STK24: variants seen among roughly 807,000 people sequenced by gnomAD.
STK24 encodes serine/threonine-protein kinase 24.
In STK24, 21 loss-of-function variants were observed where a neutral mutation model predicts 55.6. That is an observed-to-expected ratio of 0.38 (90% CI 0.27 to 0.54). STK24 has a LOEUF of 0.54. Ranked by LOEUF, STK24 falls within the 20% of genes least tolerant of loss-of-function variation. The pLI, the probability that STK24 is intolerant of heterozygous loss-of-function variation, is 0.79. For missense variants in STK24, 383 were observed against 538.4 expected (o/e 0.71, Z 2.86); for synonymous variants, 200 against 215.2 (o/e 0.93, Z 0.62).
chr13:98,446,555 G>A lies in STK24; in HGVS notation c.*6618C>T, dbSNP rs1422042271. ...CATGGTCCCTTCCAGGCCCACGCCC[G>A]AGGAGGGAGCTGCCTGGGCTCCCAA... On this transcript the variant is annotated 3_prime_UTR_variant, in exon 11 of 11. Coordinates refer to ENST00000539966, the MANE Select transcript of STK24 (RefSeq NM_001032296.4). The A allele has an allele frequency of 1.5e-5, 17 of 1,156,350 alleles. No homozygotes were observed. The highest frequency in any genetic ancestry group is 4.5e-5 in the African/African-American group (3 of 66,500). The allele number at this position is 1,156,350 out of a possible 1,614,324, so 71.6% of individuals were successfully genotyped here. A position where few individuals can be genotyped will look rare whatever the true frequency, so the allele number is the denominator to read the frequency against.
chr13:98,483,553 C>T (rs752383737), intron 2 of STK24, among the ~76,000 whole-genome samples: 18 of 152,138 alleles, frequency 1.2e-4, no homozygotes, highest in Admixed American at 2.0e-4. Flanking sequence ...GAGAACACGC[C>T]CCAACTTCCC....
At chr13:98,473,619 C>A (rs1488194708) in intron 5 of STK24, among the ~76,000 whole-genome samples, 1 of 152,150 alleles carries the variant, frequency 6.6e-6, no homozygotes, top group African/African-American at 2.4e-5. Flanking sequence ...CAGGCAAGGG[C>A]ACACACCCAA....
chr13:98,507,501 A>G (rs1895733282), intron 2 of STK24, among the ~76,000 whole-genome samples: 1 of 152,232 alleles, frequency 6.6e-6, no homozygotes, highest in African/African-American at 2.4e-5. Context: ...TCTAGCCTAG[A>G]GAAAGAAAGA....
chr13:98,526,951 C>G (rs1365084695), intron 1 of STK24, among the ~76,000 whole-genome samples: 1 of 152,178 alleles, frequency 6.6e-6, no homozygotes, highest in Non-Finnish European at 1.5e-5. Context: ...TGATACCGAC[C>G]CCATGTGAGG....
At chr13:98,557,409 C>T (rs564478634) in intron 1 of STK24, among the ~76,000 whole-genome samples, 3 of 152,306 alleles carry the variant, frequency 2.0e-5, no homozygotes, top group Admixed American at 1.3e-4. Context: ...TGCGTGGGTG[C>T]GTTCATTCGC....
intron 1 of STK24, among the ~76,000 whole-genome samples, chr13:98,540,050 A>G (rs1223469204): frequency 6.6e-6 from 1 of 152,200 alleles, no homozygotes. Context: ...AGGAATGAAC[A>G]ACAGACACAA....
intron 1 of STK24, among the ~76,000 whole-genome samples, chr13:98,520,375 AG>A (rs34667229): frequency 6.6e-6 from 1 of 152,206 alleles, no homozygotes; most frequent in Non-Finnish European, 1.5e-5. Context: ...CCACAGAGCA[AG>A]GAAGGACTCT....
At chr13:98,520,968 T>G (rs1896240277) in intron 1 of STK24, among the ~76,000 whole-genome samples, 1 of 152,162 alleles carries the variant, frequency 6.6e-6, no homozygotes, top group Admixed American at 6.5e-5. Flanking sequence ...TAGTACAAAA[T>G]GAACCAAGGC....
intron 9 of STK24, among the ~76,000 whole-genome samples, chr13:98,459,211 A>G (rs1039191313): frequency 1.3e-5 from 2 of 152,238 alleles, no homozygotes; most frequent in African/African-American, 4.8e-5. Context: ...AATGAAGCGC[A>G]GGATGGCGCT....
At chr13:98,554,052 G>A (rs1448908062) in intron 1 of STK24, among the ~76,000 whole-genome samples, 1 of 146,380 alleles carries the variant, frequency 6.8e-6, no homozygotes, top group Non-Finnish European at 1.5e-5. Flanking sequence ...ATGGGCGATG[G>A]AGCAAGACTC....
chr13:98,576,138 C>T, intron 1 of STK24: 1 of 985,278 alleles, frequency 1.0e-6, no homozygotes, highest in Non-Finnish European at 1.2e-6. Flanking sequence ...GCAACTCGCA[C>T]TTTCCCCCGG....
At chr13:98,575,223 C>A (rs1402221896) in intron 1 of STK24, among the ~76,000 whole-genome samples, 2 of 152,118 alleles carry the variant, frequency 1.3e-5, no homozygotes, top group Non-Finnish European at 2.9e-5. Context: ...ACCCAGCAGT[C>A]AGCAGAAGTT....
chr13:98,484,531 G>A (rs1327242779), intron 2 of STK24, among the ~76,000 whole-genome samples: 1 of 152,100 alleles, frequency 6.6e-6, no homozygotes. Flanking sequence ...GGGGACTGAG[G>A]GTCACCAGGC....
rs540523467 is a variant in STK24, at chr13:98,446,316, C to G, written c.*6857G>C. The G allele has an allele frequency of 1.4e-6, 1 of 703,386 alleles. No homozygotes were observed. The highest frequency in any genetic ancestry group is 2.5e-6 in the Non-Finnish European group (1 of 405,938). The allele number at this position is 703,386 out of a possible 1,614,324, so 43.6% of individuals were successfully genotyped here. A position where few individuals can be genotyped will look rare whatever the true frequency, so the allele number is the denominator to read the frequency against. On this transcript the variant is annotated 3_prime_UTR_variant, in exon 11 of 11. Coordinates refer to ENST00000539966, the MANE Select transcript of STK24 (RefSeq NM_001032296.4). ...CAGGCCTCTTGGGCTCCAGGTGTCACGGGGATGACAGGGATGCTGGCGGGG... is the reference window on the plus strand; with the variant it reads ...CAGGCCTCTTGGGCTCCAGGTGTCAGGGGGATGACAGGGATGCTGGCGGGG...
chr13:98,529,128 G>A (rs776438445), intron 1 of STK24, among the ~76,000 whole-genome samples: 2 of 152,090 alleles, frequency 1.3e-5, no homozygotes, highest in African/African-American at 2.4e-5. Context: ...CCATGCTGGT[G>A]GCTACCATTC....
chr13:98,527,959 C>T (rs1434126382), intron 1 of STK24, among the ~76,000 whole-genome samples: 3 of 152,228 alleles, frequency 2.0e-5, no homozygotes, highest in African/African-American at 7.2e-5. Flanking sequence ...GGGCCTGACT[C>T]AACGGCAGAA....
At chr13:98,457,468 T>C (rs1283252687) in intron 9 of STK24, among the ~76,000 whole-genome samples, 164 bp from the exon 10 acceptor site, 3 of 83,082 alleles carry the variant, frequency 3.6e-5, no homozygotes, top group Non-Finnish European at 9.0e-5. Flanking sequence ...CAAATTGCTT[T>C]TTTTTTTTTT....
chr13:98,474,908 T>C lies in STK24; in HGVS notation c.510A>G (p.Thr170=), dbSNP rs2139286799. The C allele has an allele frequency of 6.2e-7, 1 of 1,614,164 alleles. No individual in the cohort carries two copies. The highest frequency in any genetic ancestry group is 8.5e-7 in the Non-Finnish European group (1 of 1,180,026). Residue 170 remains threonine (T), a synonymous_variant, in exon 5 of 11, where the codon ACA becomes ACG. Coordinates refer to ENST00000539966, the MANE Select transcript of STK24 (RefSeq NM_001032296.4). ...LADFGVAGQL[T]DTQIKRNTFV... is the part of the protein sequence containing the mutation. Reference sequence around the variant, plus strand: ...AGGTGTTCCTTTTGATCTGGGTGTCTGTCAGCTGGCCAGCCACGCCAAAGT... The same window carrying C: ...AGGTGTTCCTTTTGATCTGGGTGTCCGTCAGCTGGCCAGCCACGCCAAAGT...
rs1893108732 is a variant in STK24, at chr13:98,449,973, A to AAGTC, written c.*3196_*3199dup. 6.6e-6 allele frequency: 1 copy of AAGTC among 152,204 alleles called. No individual in the cohort carries two copies. Among genetic ancestry groups the AAGTC allele is most frequent in the Non-Finnish European group, 1.5e-5 (1 of 68,064 alleles). 9.4% of individuals were successfully genotyped at this position (152,204 alleles called of 1,614,324 possible). On this transcript the variant is annotated 3_prime_UTR_variant, in exon 11 of 11. Coordinates refer to ENST00000539966, the MANE Select transcript of STK24 (RefSeq NM_001032296.4). Reference sequence around the variant, plus strand: ...CACAGCAGCATCAGGCTCCCTCCAGAAGTCACCACTCACTCATTCCTGGAG... The same window carrying AAGTC: ...CACAGCAGCATCAGGCTCCCTCCAGAAGTCAGTCACCACTCACTCATTCCTGGAG...
Sources: allele counts gnomAD v4.1 joint callset (sites outside exome capture counted in the v4.1 genomes callset), GRCh38; gene constraint gnomAD v4.1.1; transcripts MANE v1.5; gene names NCBI Gene and HGNC (gene_info 2026-07-23, HGNC 2026-07-21).